The following ADAM10 variants were observed in gnomAD, a reference collection of about 807,000 sequenced individuals.
ADAM10 encodes the protein disintegrin and metalloproteinase domain-containing protein 10.
In ADAM10, 17 loss-of-function variants were observed where a neutral mutation model predicts 90.1. That is an observed-to-expected ratio of 0.19 (90% CI 0.13 to 0.28). The LOEUF (loss-of-function observed/expected upper bound fraction) is 0.28, where lower values mean the gene tolerates loss of function less well. Ranked by LOEUF, ADAM10 falls within the 10% of genes least tolerant of loss-of-function variation. The pLI, the probability that ADAM10 is intolerant of heterozygous loss-of-function variation, is 1.00. For missense variants in ADAM10, 610 were observed against 914.3 expected, an observed-to-expected ratio of 0.67 and a Z score of 4.29; for synonymous variants, 310 against 298.6, an observed-to-expected ratio of 1.04 and a Z score of -0.40.
intron 1 of ADAM10, among the ~76,000 whole-genome samples, chr15:58,722,457 T>C (rs1412037312): frequency 1.3e-5 from 2 of 149,718 alleles, no homozygotes; most frequent in African/African-American, 4.9e-5. Context: ...TATCACTTAA[T>C]CCCAAGAGTT....
At chr15:58,598,935 T>C (rs1390849004) in intron 15 of ADAM10, among the ~76,000 whole-genome samples, 1 of 152,180 alleles carries the variant, frequency 6.6e-6, no homozygotes, top group Non-Finnish European at 1.5e-5. Context: ...ACTCTAAGAC[T>C]TTCCCACAGA....
chr15:58,737,401 A>T (rs1376249453), intron 1 of ADAM10, among the ~76,000 whole-genome samples: 1 of 152,184 alleles, frequency 6.6e-6, no homozygotes, highest in African/African-American at 2.4e-5. Context: ...CTAAAAGGCA[A>T]ATTCTTCAAA....
chr15:58,742,977 G>C (rs1899664720), intron 1 of ADAM10, among the ~76,000 whole-genome samples: 1 of 152,142 alleles, frequency 6.6e-6, no homozygotes, highest in African/African-American at 2.4e-5. Context: ...AGAATTGCTT[G>C]AGCTGCAGAG....
At chr15:58,690,391 A>C (rs1453767716) in intron 2 of ADAM10, among the ~76,000 whole-genome samples, 2 of 152,228 alleles carry the variant, frequency 1.3e-5, no homozygotes, top group Non-Finnish European at 2.9e-5. Context: ...TGTTACAGAT[A>C]CCACAACAAG....
At chr15:58,702,858 T>C (rs1221014010) in intron 2 of ADAM10, among the ~76,000 whole-genome samples, 2 of 152,094 alleles carry the variant, frequency 1.3e-5, no homozygotes, top group African/African-American at 2.4e-5. Flanking sequence ...GGCAGGTAAA[T>C]AGTAGAAAGA....
intron 14 of ADAM10, among the ~76,000 whole-genome samples, chr15:58,601,800 T>G (rs551700276): frequency 6.6e-6 from 1 of 152,354 alleles, no homozygotes; most frequent in East Asian, 1.9e-4. Context: ...CTTGATACTT[T>G]TGAAGATTAC....
At chr15:58,639,260 G>A (rs551529679) in intron 8 of ADAM10, among the ~76,000 whole-genome samples, 1 of 152,182 alleles carries the variant, frequency 6.6e-6, no homozygotes, top group African/African-American at 2.4e-5. Context: ...TCAAGAGACC[G>A]GGGTAGTGCC....
At chr15:58,608,044 A>T (rs1895327515) in intron 14 of ADAM10, among the ~76,000 whole-genome samples, 1 of 152,224 alleles carries the variant, frequency 6.6e-6, no homozygotes, top group South Asian at 2.1e-4. Flanking sequence ...TCCTGTCCAA[A>T]CACACAGTAG....
chr15:58,608,202 C>G (rs1387972399), intron 14 of ADAM10, among the ~76,000 whole-genome samples: 1 of 152,136 alleles, frequency 6.6e-6, no homozygotes, highest in Admixed American at 6.6e-5. Flanking sequence ...TCCTACTCTA[C>G]CCTGCATGAG....
At chr15:58,696,110 C>A (rs1897971394) in intron 2 of ADAM10, among the ~76,000 whole-genome samples, 2 of 151,888 alleles carry the variant, frequency 1.3e-5, no homozygotes, top group Non-Finnish European at 2.9e-5. Flanking sequence ...GAGTGAGACT[C>A]CACCTCAAAA....
chr15:58,590,744 A>C lies in ADAM10; in HGVS notation c.*6803T>G, dbSNP rs1894807102. The stretch of plus-strand genomic sequence containing the variant: ...CATACCCAAAGGGCAAGGGAAGAAA[A>C]CGATAATAAAATATTCATTTAAAAT... On this transcript the variant is annotated 3_prime_UTR_variant, in exon 16 of 16. Transcript: ENST00000260408. 1 of 152,236 alleles carries C rather than the reference A, an allele frequency of 6.6e-6. No homozygotes were observed. Among genetic ancestry groups the C allele is most frequent in the Admixed American group, 6.5e-5 (1 of 15,274 alleles). 9.4% of individuals were successfully genotyped at this position (152,236 alleles called of 1,614,324 possible). A position where few individuals can be genotyped will look rare whatever the true frequency, so the allele number is the denominator to read the frequency against.
intron 1 of ADAM10, among the ~76,000 whole-genome samples, chr15:58,718,039 G>A (rs1271141982): frequency 2.6e-5 from 4 of 152,106 alleles, no homozygotes; most frequent in Admixed American, 2.0e-4. Context: ...GCTCACTCCT[G>A]TAATCCCAGC....
chr15:58,722,097 T>C (rs142527937), intron 1 of ADAM10, among the ~76,000 whole-genome samples: 1,549 of 151,806 alleles, frequency 0.01, 25 homozygotes, highest in African/African-American at 0.035. Context: ...CCCAGCACTT[T>C]GGAAGGCCGA....
intron 5 of ADAM10, among the ~76,000 whole-genome samples, chr15:58,647,347 G>A (rs56157397): frequency 0.011 from 1,395 of 132,264 alleles, 14 homozygotes; most frequent in Middle Eastern, 0.031. Flanking sequence ...AGCAAGCTCC[G>A]CCTCCCGGGT....
chr15:58,646,324 C>A, intron 5 of ADAM10, 120 bp from the exon 6 acceptor site: 1 of 1,028,684 alleles, frequency 9.7e-7, no homozygotes, highest in East Asian at 2.6e-5. Context: ...ATAGGTATTT[C>A]TGCTGCCATT....
chr15:58,643,904 G>A lies in ADAM10; in HGVS notation c.810C>T (p.Phe270=), dbSNP rs767375346. The change falls in exon 7 of 16, where the codon TTC becomes TTT. Residue 270 remains phenylalanine, a synonymous_variant. Transcript: ENST00000260408. ...TCCTTACTCTTATGCGTTTCACCAT[G>A]AAACTGATGTTACGGATTCCGGAGA... ...TDFSGIRNIS[F]MVKRIRINTT... The A allele has an allele frequency of 3.7e-6, 6 of 1,612,660 alleles. No individual in the cohort carries two copies. Among genetic ancestry groups the A allele is most frequent in the Non-Finnish European group, 4.2e-6 (5 of 1,178,758 alleles).
At chr15:58,635,274 C>CAAAAA (rs58106236) in intron 8 of ADAM10, among the ~76,000 whole-genome samples, 17 of 65,656 alleles carry the variant, frequency 2.6e-4, no homozygotes, top group African/African-American at 4.5e-4. Flanking sequence ...GACTCTGTCT[C>CAAAAA]AAAAAAAAAA....
At chr15:58,614,422 AC>A (rs1663628599) in intron 11 of ADAM10, among the ~76,000 whole-genome samples, 2 of 152,226 alleles carry the variant, frequency 1.3e-5, no homozygotes, top group East Asian at 1.9e-4. Context: ...TCTAAAAAAA[AC>A]AGCAAGAGGA....
chr15:58,629,848 C>T (rs953219975), intron 9 of ADAM10, among the ~76,000 whole-genome samples: 3 of 152,066 alleles, frequency 2.0e-5, no homozygotes, highest in African/African-American at 7.2e-5. Flanking sequence ...TCCTGGCTCA[C>T]TGCAACCTTG....
Sources: gnomAD v4.1 joint callset for allele counts (sites outside exome capture counted in the v4.1 genomes callset) on GRCh38, gnomAD v4.1.1 for gene constraint, MANE v1.5 for transcripts, NCBI Gene and HGNC (gene_info 2026-07-23, HGNC 2026-07-21) for gene names.